Variants in NDRG2 observed in about 807,000 individuals in gnomAD.
The protein encoded by NDRG2 is protein NDRG2.
Under a neutral mutation model 58.2 loss-of-function variants are expected in NDRG2, and 34 were observed. That is an observed-to-expected ratio of 0.58 (90% CI 0.44 to 0.78). NDRG2 has a LOEUF of 0.78. Ranked by LOEUF, NDRG2 falls within the 30% of genes least tolerant of loss-of-function variation. The pLI, the probability that NDRG2 is intolerant of heterozygous loss-of-function variation, is 0.00. For synonymous variants in NDRG2, 187 were observed against 175.9 expected (o/e 1.06, Z -0.50); for missense variants, 434 against 471.2 (o/e 0.92, Z 0.73).
intron 1 of NDRG2, among the ~76,000 whole-genome samples, chr14:21,053,338 C>T (rs1485897834): frequency 1.3e-5 from 2 of 151,994 alleles, no homozygotes; most frequent in Admixed American, 1.3e-4. Context: ...AAAAATTAGC[C>T]GCACTTTGGC....
At chr14:21,018,899 T>A in intron 11 of NDRG2, 85 bp from the exon 12 acceptor site, 1 of 1,551,312 alleles carries the variant, frequency 6.4e-7, no homozygotes, top group Non-Finnish European at 8.8e-7. Flanking sequence ...TGGAAAAATA[T>A]CTGGCTCCAA....
chr14:21,018,588 G>T, intron 12 of NDRG2, 84 bp from the exon 13 acceptor site: 1 of 1,567,402 alleles, frequency 6.4e-7, no homozygotes, highest in Non-Finnish European at 8.6e-7. Flanking sequence ...CCAGACCCCA[G>T]TCCCTTTTCT....
rs1886673350 is a variant in NDRG2 at position 21,070,600 on chromosome 14, A to C, written c.24+228T>G. On this transcript the variant is annotated intron_variant, in intron 1 of 14. Transcript: ENST00000403829. This position sits in a 1 kb window ranked among gnomAD's most constrained non-coding sequence, Gnocchi z 4.7. ...TCTGTCCCCACCGGGTATTGCCCTC[A>C]CCCTTTCTTCCTCCTCTCCTCCGCC... Among the ~76,000 whole-genome samples, 1 of 147,440 alleles carries C rather than the reference A, an allele frequency of 6.8e-6. No homozygotes were observed. The highest frequency in any genetic ancestry group is 2.5e-5 in the African/African-American group (1 of 39,362).
At chr14:21,056,960 C>G (rs993364450) in intron 1 of NDRG2, among the ~76,000 whole-genome samples, 1 of 152,194 alleles carries the variant, frequency 6.6e-6, no homozygotes, top group East Asian at 1.9e-4. Flanking sequence ...GCTGCTTTGA[C>G]AGCTGGAGCT....
At chr14:21,053,353 C>T (rs766446383) in intron 1 of NDRG2, among the ~76,000 whole-genome samples, 5 of 152,066 alleles carry the variant, frequency 3.3e-5, no homozygotes, top group Admixed American at 6.6e-5. Context: ...TTTGGCCGGG[C>T]GCAGTGGCTG....
In NDRG2 at chr14:21,021,370, C is replaced by T. The variant is rs115106272; in HGVS notation, c.407+447G>A. The stretch of plus-strand genomic sequence containing the variant: ...ACAGCACCCAGGGGCCAGCACCTCC[C>T]TCTGAATACCAAAGACACTTGGTCT... On this transcript the variant is annotated intron_variant, in intron 6 of 15. Coordinates refer to ENST00000556147, the MANE Select transcript of NDRG2 (RefSeq NM_001320329.2). 2,722 of 330,726 alleles carry T rather than the reference C, an allele frequency of 8.2e-3. 70 individuals are homozygous for T. Among genetic ancestry groups the T allele is most frequent in the African/African-American group, 0.055 (2,545 of 46,614 alleles). The allele number at this position is 330,726 out of a possible 1,614,324, so 20.5% of individuals were successfully genotyped here. A position where few individuals can be genotyped will look rare whatever the true frequency, so the allele number is the denominator to read the frequency against.
chr14:21,069,273 G>A (rs976868611), intron 1 of NDRG2, among the ~76,000 whole-genome samples: 16 of 152,172 alleles, frequency 1.1e-4, no homozygotes, highest in Admixed American at 6.5e-5. Flanking sequence ...TTTGATGAGG[G>A]AGTGAGGCTA....
At chr14:21,069,195 C>T (rs1374277377) in intron 1 of NDRG2, among the ~76,000 whole-genome samples, 1 of 152,262 alleles carries the variant, frequency 6.6e-6, no homozygotes, top group Non-Finnish European at 1.5e-5. Flanking sequence ...TGCCTCCCCC[C>T]GGGCTCCTGG....
upstream of NDRG2, among the ~76,000 whole-genome samples, chr14:21,026,409 T>C (rs1883633542): frequency 6.8e-6 from 1 of 146,492 alleles, no homozygotes; most frequent in East Asian, 2.1e-4. Context: ...TCAGGAACAA[T>C]GGCCAATGGA....
rs142855549 is a variant in NDRG2, at chr14:21,032,467, G to A, written c.25-9146C>T. 1.2e-4 allele frequency: 46 copies of A among 396,858 alleles called. No homozygotes were observed. In the East Asian group the frequency reaches 1.4e-3, roughly 12 times the overall value. 24.6% of individuals were successfully genotyped at this position (396,858 alleles called of 1,614,324 possible). A position where few individuals can be genotyped will look rare whatever the true frequency, so the allele number is the denominator to read the frequency against. On this transcript the variant is annotated intron_variant, in intron 1 of 14. Coordinates refer to the NDRG2 transcript ENST00000403829. The stretch of plus-strand genomic sequence containing the variant: ...TCAAAAGGGTGTAGCAATTCCTCAC[G>A]TGATGGACTATGACTATATCACATA...
intron 1 of NDRG2, among the ~76,000 whole-genome samples, chr14:21,047,998 T>A (rs1303129936): frequency 6.6e-6 from 1 of 152,104 alleles, no homozygotes; most frequent in Non-Finnish European, 1.5e-5. Context: ...TTGGCCCTCT[T>A]CATAGTGTCT....
At position 21,045,883 on chromosome 14, in the gene NDRG2, C is replaced by G. The variant is rs1030553571; in HGVS notation, c.25-22562G>C. Among the ~76,000 whole-genome samples the G allele has an allele frequency of 2.2e-4, 33 of 152,232 alleles. 1 individual carries two copies. The highest frequency in any genetic ancestry group is 2.0e-3 in the Admixed American group (31 of 15,298). On this transcript the variant is annotated intron_variant, in intron 1 of 14. Coordinates refer to the NDRG2 transcript ENST00000403829. Reference sequence around the variant, plus strand: ...GGGCATGGGGGAGCCTTCTGAGGACCTGGAAATATTCTATTCTTGGTCTGG... The same window carrying G: ...GGGCATGGGGGAGCCTTCTGAGGACGTGGAAATATTCTATTCTTGGTCTGG...
At chr14:21,043,667 A>C (rs1885017236) in intron 1 of NDRG2, 3 of 551,070 alleles carry the variant, frequency 5.4e-6, no homozygotes, top group Non-Finnish European at 9.8e-6. Flanking sequence ...GTTTTCCCAG[A>C]TGCTTATCCC....
At chr14:21,046,134 T>C (rs1446903924) in intron 1 of NDRG2, among the ~76,000 whole-genome samples, 1 of 152,238 alleles carries the variant, frequency 6.6e-6, no homozygotes, top group Non-Finnish European at 1.5e-5. Context: ...AATTAAATCA[T>C]AGATAGAATT....
At position 21,070,864 on chromosome 14, in the gene NDRG2, C is replaced by A; in HGVS notation, c.-13G>T. On this transcript the variant is annotated 5_prime_UTR_variant, in exon 1 of 15. Transcript: ENST00000403829. This position sits in a 1 kb window ranked among gnomAD's most constrained non-coding sequence, Gnocchi z 4.7. ...CACCATTTTCCATCCCTGTCCCCAACCCGGTGAGGCAGGCCCACCCATCCG... is the reference window on the plus strand; with the variant it reads ...CACCATTTTCCATCCCTGTCCCCAAACCGGTGAGGCAGGCCCACCCATCCG... 1.3e-6 allele frequency: 2 copies of A among 1,535,648 alleles called. No homozygotes were observed. Among genetic ancestry groups the A allele is most frequent in the South Asian group, 1.2e-5 (1 of 84,066 alleles).
chr14:21,022,124 G>A lies in NDRG2; in HGVS notation c.282C>T (p.Asn94=). The A allele has an allele frequency of 6.2e-7, 1 of 1,614,154 alleles. No individual in the cohort carries two copies. Among genetic ancestry groups the A allele is most frequent in the South Asian group, 1.1e-5 (1 of 91,084 alleles). Residue 94 remains asparagine (N), a synonymous_variant, in exon 5 of 16, where the codon AAC becomes AAT. Coordinates refer to ENST00000556147, the MANE Select transcript of NDRG2 (RefSeq NM_001320329.2). ...QFEDMQEIIQ[N]FVRVHVDAPG... ...GGGCATCCACATGAACCCGCACAAA[G>A]TTCTGAATGATTTCCTGCATGTCCT...
At chr14:21,023,929 T>C in intron 1 of NDRG2, 101 bp downstream of exon 1, 1 of 980,106 alleles carries the variant, frequency 1.0e-6, no homozygotes, top group South Asian at 4.7e-5. Context: ...CTCCCAACTC[T>C]GAATAAACTC....
Position 21,057,135 on chromosome 14 carries a change from C to A in NDRG2, c.24+13693G>T, listed in dbSNP as rs985689576. On this transcript the variant is annotated intron_variant, in intron 1 of 14. Transcript: ENST00000403829. ...TATTGACCTTTCACATGTTTTTCTT[C>A]AAGATTTAGTTTCTCTTAACCGGGC... Among the ~76,000 whole-genome samples, 7 of 152,114 alleles carry A rather than the reference C, an allele frequency of 4.6e-5. No homozygotes were observed. The East Asian group carries it at 1.4e-3, about 29-fold the overall frequency.
At chr14:21,023,162 A>G in intron 2 of NDRG2, 79 bp downstream of exon 2, 1 of 1,205,492 alleles carries the variant, frequency 8.3e-7, no homozygotes, top group Non-Finnish European at 1.2e-6. Flanking sequence ...TAAGATCAGT[A>G]CGCTTGGGAA....
Sources: allele counts gnomAD v4.1 joint callset (sites outside exome capture counted in the v4.1 genomes callset), GRCh38; gene constraint gnomAD v4.1.1; non-coding constraint Gnocchi (gnomAD v3.1); transcripts MANE v1.5; gene names NCBI Gene and HGNC (gene_info 2026-07-23, HGNC 2026-07-21).